The following NRXN3 variants were observed in gnomAD, a reference collection of about 807,000 sequenced individuals.
NRXN3 encodes neurexin III.
A neutral mutation model predicts 137.6 loss-of-function variants in NRXN3; 32 were observed. That is an observed-to-expected ratio of 0.23 (90% CI 0.18 to 0.31). NRXN3 has a LOEUF of 0.31. Ranked by LOEUF, NRXN3 falls within the 10% of genes least tolerant of loss-of-function variation. The pLI, the probability that NRXN3 is intolerant of heterozygous loss-of-function variation, is 1.00. For synonymous variants in NRXN3, 798 were observed against 784.5 expected (o/e 1.02, Z -0.29); for missense variants, 1,574 against 2,062.5 (o/e 0.76, Z 4.59).
At chr14:79,752,838 C>T (rs1374388011) in intron 19 of NRXN3, among the ~76,000 whole-genome samples, 1 of 152,076 alleles carries the variant, frequency 6.6e-6, no homozygotes, top group Non-Finnish European at 1.5e-5. Flanking sequence ...GGGCTAATAT[C>T]CAGAATCTAC....
intron 15 of NRXN3, among the ~76,000 whole-genome samples, chr14:79,099,993 T>C (rs1435608217): frequency 2.0e-5 from 3 of 152,168 alleles, no homozygotes; most frequent in Admixed American, 1.3e-4. Flanking sequence ...TAATTTTCTA[T>C]AGACAAAATG....
chr14:79,447,623 C>T (rs1434866076), intron 15 of NRXN3, among the ~76,000 whole-genome samples: 1 of 152,200 alleles, frequency 6.6e-6, no homozygotes, highest in African/African-American at 2.4e-5. Flanking sequence ...CATTCAGTCT[C>T]TACTATACTA....
chr14:78,911,854 C>T (rs549819122), intron 10 of NRXN3, among the ~76,000 whole-genome samples: 3 of 151,908 alleles, frequency 2.0e-5, no homozygotes, highest in South Asian at 2.1e-4. Flanking sequence ...AATATTTAGG[C>T]CTTAAGGAAC....
chr14:78,678,471 A>T (rs1416054329), intron 6 of NRXN3, among the ~76,000 whole-genome samples: 1 of 152,044 alleles, frequency 6.6e-6, no homozygotes, highest in African/African-American at 2.4e-5. Flanking sequence ...TTTCATCCAC[A>T]GTTGTGCCAG....
Position 78,536,030 on chromosome 14 carries a change from A to G in NRXN3, c.758-109090A>G, listed in dbSNP as rs2096532314. On this transcript the variant is annotated intron_variant, in intron 4 of 20. Coordinates refer to ENST00000335750, the MANE Select transcript of NRXN3 (RefSeq NM_001330195.2). ...ACTCATGATTCCTAATTCTTAAAGC[A>G]AAAAATGGGGTCTGAGAGTGTTTCG... Among the ~76,000 whole-genome samples, 5 of 152,102 alleles carry G rather than the reference A, an allele frequency of 3.3e-5. No homozygotes were observed. In the South Asian group the frequency reaches 1.0e-3, roughly 32 times the overall value.
At chr14:79,785,666 A>G (rs1176307209) in intron 19 of NRXN3, among the ~76,000 whole-genome samples, 1 of 152,070 alleles carries the variant, frequency 6.6e-6, no homozygotes, top group Non-Finnish European at 1.5e-5. Flanking sequence ...CTTAATTATA[A>G]GCTTCTTGAG....
At chr14:79,615,451 G>A (rs1191835883) in intron 16 of NRXN3, among the ~76,000 whole-genome samples, 2 of 152,142 alleles carry the variant, frequency 1.3e-5, no homozygotes, top group South Asian at 4.1e-4. Context: ...AGCTTTGATT[G>A]AGAGCTCAAT....
chr14:79,240,037 T>C (rs11628489), intron 15 of NRXN3, among the ~76,000 whole-genome samples: 144,766 of 152,086 alleles, frequency 0.95, 69,315 homozygotes, highest in East Asian at 1. Context: ...GTTGGTCAAA[T>C]GGTAAAAAAT....
At chr14:79,794,786 T>C (rs1414285261) in intron 19 of NRXN3, among the ~76,000 whole-genome samples, 1 of 152,132 alleles carries the variant, frequency 6.6e-6, no homozygotes, top group Non-Finnish European at 1.5e-5. Context: ...TTGATTCAGA[T>C]TACTCCTATA....
intron 15 of NRXN3, among the ~76,000 whole-genome samples, chr14:79,024,569 G>A (rs1386353480): frequency 1.3e-5 from 2 of 152,118 alleles, no homozygotes; most frequent in African/African-American, 4.8e-5. Flanking sequence ...TTTGTGGGTA[G>A]CTGAGAATTT....
intron 4 of NRXN3, among the ~76,000 whole-genome samples, chr14:78,374,643 G>A (rs546151506): frequency 1.6e-4 from 24 of 151,616 alleles, no homozygotes; most frequent in African/African-American, 3.9e-4. Flanking sequence ...GGTATCCTTC[G>A]CCTATAATCC....
intron 15 of NRXN3, among the ~76,000 whole-genome samples, chr14:79,174,163 A>C (rs1285753585): frequency 6.6e-6 from 1 of 152,222 alleles, no homozygotes; most frequent in Non-Finnish European, 1.5e-5. Context: ...TGCCACACAA[A>C]TGAAGGTAGC....
At chr14:79,030,302 C>T (rs2099605641) in intron 15 of NRXN3, among the ~76,000 whole-genome samples, 1 of 151,958 alleles carries the variant, frequency 6.6e-6, no homozygotes, top group South Asian at 2.1e-4. Context: ...TTGGAGAGGG[C>T]CACAATTGTT....
At chr14:79,593,584 T>C (rs762002970) in intron 16 of NRXN3, among the ~76,000 whole-genome samples, 2 of 134,880 alleles carry the variant, frequency 1.5e-5, no homozygotes, top group Middle Eastern at 4.7e-3. Context: ...TGAGCCAAGA[T>C]GGCGCCACTG....
chr14:78,698,531 T>G (rs1003470150), intron 6 of NRXN3, among the ~76,000 whole-genome samples: 2 of 151,940 alleles, frequency 1.3e-5, no homozygotes, highest in African/African-American at 2.4e-5. Flanking sequence ...CTCAAAACAT[T>G]CATGTGTTTT....
Position 78,645,304 on chromosome 14 carries a change from G to A in NRXN3, c.942G>A (p.Ala314=), listed in dbSNP as rs753908120. The A allele has an allele frequency of 7.5e-6, 12 of 1,598,600 alleles. No homozygotes were observed. The highest frequency in any genetic ancestry group is 2.2e-5 in the East Asian group (1 of 44,864). ...DYVNLALKDG[A]VSLVINLGSG... ...TCAACCTGGCTCTGAAGGATGGTGC[G>A]GTCTCCTTGGTCATTAACCTGGGGT... Residue 314 remains alanine (A), a synonymous_variant, in exon 5 of 21, where the codon GCG becomes GCA. Transcript: ENST00000335750.
At chr14:78,947,986 G>A (rs566062791) in intron 10 of NRXN3, among the ~76,000 whole-genome samples, 2 of 152,168 alleles carry the variant, frequency 1.3e-5, no homozygotes, top group African/African-American at 2.4e-5. Flanking sequence ...GGTAATTGAC[G>A]TTACCTACCT....
At chr14:79,453,082 A>G (rs2153589585) in intron 15 of NRXN3, among the ~76,000 whole-genome samples, 1 of 152,272 alleles carries the variant, frequency 6.6e-6, no homozygotes, top group South Asian at 2.1e-4. Flanking sequence ...TTGTTTTAAG[A>G]AGAGCAAACC....
chr14:78,923,181 C>T (rs2099275813), intron 10 of NRXN3, among the ~76,000 whole-genome samples: 1 of 152,214 alleles, frequency 6.6e-6, no homozygotes, highest in South Asian at 2.1e-4. Flanking sequence ...TGGTTGAGCA[C>T]ACCCTATTGC....
Sources: gnomAD v4.1 joint callset for allele counts (sites outside exome capture counted in the v4.1 genomes callset) on GRCh38, gnomAD v4.1.1 for gene constraint, MANE v1.5 for transcripts, NCBI Gene and HGNC (gene_info 2026-07-23, HGNC 2026-07-21) for gene names.